The following TRPM3 variants were observed in gnomAD, a reference collection of about 807,000 sequenced individuals.
The protein encoded by TRPM3 is long transient receptor potential channel 3.
A neutral mutation model predicts 181.2 loss-of-function variants in TRPM3; 77 were observed. The observed-to-expected ratio is 0.42, with a 90% confidence interval of 0.35 to 0.51. The LOEUF is 0.51. Ranked by LOEUF, TRPM3 falls within the 20% of genes least tolerant of loss-of-function variation. The pLI is 0.01. For synonymous variants in TRPM3, 745 were observed against 796.4 expected, an observed-to-expected ratio of 0.94 and a Z score of 1.09; for missense variants, 1,759 against 2,196.7, an observed-to-expected ratio of 0.80 and a Z score of 3.98.
intron 6 of TRPM3, among the ~76,000 whole-genome samples, chr9:70,804,576 G>A (rs2090177086): frequency 6.6e-6 from 1 of 152,062 alleles, no homozygotes; most frequent in Admixed American, 6.6e-5. Flanking sequence ...CTCTCTCCCA[G>A]TTTCTCTGTT....
At chr9:70,546,614 ATT>A (rs1423773876) in intron 25 of TRPM3, among the ~76,000 whole-genome samples, 2 of 150,914 alleles carry the variant, frequency 1.3e-5, no homozygotes, top group African/African-American at 4.9e-5. Context: ...TGAGCACAAC[ATT>A]TGATAGAACA....
chr9:71,007,486 CA>C (rs1461390777), intron 1 of TRPM3, among the ~76,000 whole-genome samples: 1 of 151,738 alleles, frequency 6.6e-6, no homozygotes, highest in Non-Finnish European at 1.5e-5. Flanking sequence ...TAAGTCTTAA[CA>C]AACTTAAAAA....
chr9:71,346,982 A>G (rs1414117345), intron 1 of TRPM3, among the ~76,000 whole-genome samples: 1 of 152,232 alleles, frequency 6.6e-6, no homozygotes, highest in Non-Finnish European at 1.5e-5. Flanking sequence ...AGAAACTGAC[A>G]TTTCTGATAC....
intron 1 of TRPM3, among the ~76,000 whole-genome samples, chr9:70,976,313 A>C (rs775453235): frequency 1.3e-5 from 2 of 152,180 alleles, no homozygotes; most frequent in Non-Finnish European, 2.9e-5. Flanking sequence ...GGGAAACTCA[A>C]CTTCTCCTAC....
chr9:71,168,567 TATTTA>T (rs2076663769), intron 1 of TRPM3, among the ~76,000 whole-genome samples: 2 of 110,202 alleles, frequency 1.8e-5, no homozygotes, highest in Non-Finnish European at 3.7e-5. Context: ...TTTATTTATT[TATTTA>T]TTTTTGTTTT....
chr9:70,694,805 C>T lies in TRPM3; in HGVS notation c.1273-13227G>A, dbSNP rs984366041. 5.9e-5 allele frequency among the ~76,000 whole-genome samples: 9 copies of T among 152,322 alleles called. No homozygotes were observed. The South Asian group carries it at 6.2e-4, about 11-fold the overall frequency. ...CTGTTTTAGGGAATCTGTTCATTAG[C>T]TTAGGGCAAATTACCATTTTAAAAA... On this transcript the variant is annotated intron_variant, in intron 8 of 25. Transcript: ENST00000677713.
chr9:70,543,170 A>G (rs1385601476), intron 25 of TRPM3, among the ~76,000 whole-genome samples: 6 of 152,200 alleles, frequency 3.9e-5, no homozygotes, highest in Admixed American at 3.9e-4. Flanking sequence ...GAAAAATTAT[A>G]AGTTGAACAT....
At chr9:71,366,339 C>G (rs1012771401) in intron 1 of TRPM3, among the ~76,000 whole-genome samples, 1 of 151,986 alleles carries the variant, frequency 6.6e-6, no homozygotes, top group Non-Finnish European at 1.5e-5. Flanking sequence ...GGTGGGGGTA[C>G]CTGGGAGTGG....
Position 70,932,674 on chromosome 9 carries a change from T to C in TRPM3, c.178-68163A>G, listed in dbSNP as rs140575007. Among the ~76,000 whole-genome samples the C allele has an allele frequency of 2.5e-3, 383 of 152,294 alleles. 1 individual carries two copies. Among genetic ancestry groups the C allele is most frequent in the African/African-American group, 8.9e-3 (371 of 41,566 alleles). ...AGAAACAGCATGTGCACAGATACTG[T>C]AGCAGGTGGAAGCAAGATCTTGAAG... On this transcript the variant is annotated intron_variant, in intron 1 of 25. Transcript: ENST00000677713.
At chr9:70,674,569 T>C (rs2063611250) in intron 9 of TRPM3, among the ~76,000 whole-genome samples, 1 of 151,988 alleles carries the variant, frequency 6.6e-6, no homozygotes, top group South Asian at 2.1e-4. Context: ...TATAATTTTT[T>C]TTTTGAGAGA....
At chr9:70,699,510 A>T (rs951703831) in intron 8 of TRPM3, among the ~76,000 whole-genome samples, 7 of 152,220 alleles carry the variant, frequency 4.6e-5, no homozygotes, top group African/African-American at 1.7e-4. Context: ...GTCTGGGACA[A>T]GCTACGGATG....
At chr9:70,587,809 C>A (rs2057392551) in intron 22 of TRPM3, among the ~76,000 whole-genome samples, 1 of 152,152 alleles carries the variant, frequency 6.6e-6, no homozygotes, top group Non-Finnish European at 1.5e-5. Flanking sequence ...ATAGCAAACA[C>A]GTGAAGACAA....
At chr9:70,853,712 C>T (rs969717465) in intron 3 of TRPM3, among the ~76,000 whole-genome samples, 11 of 152,176 alleles carry the variant, frequency 7.2e-5, no homozygotes, top group Non-Finnish European at 1.6e-4. Flanking sequence ...TATCTAGAAT[C>T]ATGCAAGTAG....
intron 1 of TRPM3, among the ~76,000 whole-genome samples, chr9:71,323,224 G>T (rs775009004): frequency 1.6e-4 from 25 of 151,988 alleles, no homozygotes; most frequent in Non-Finnish European, 2.9e-5. Flanking sequence ...AGCACAGTTG[G>T]GGCAAAAGTC....
intron 3 of TRPM3, among the ~76,000 whole-genome samples, chr9:70,859,082 G>A (rs949587461): frequency 6.6e-6 from 1 of 152,202 alleles, no homozygotes; most frequent in Admixed American, 6.5e-5. Context: ...CCAGTGTAAA[G>A]GTGGCAATCC....
At chr9:70,873,983 T>G (rs1222379372) in intron 1 of TRPM3, among the ~76,000 whole-genome samples, 1 of 151,990 alleles carries the variant, frequency 6.6e-6, no homozygotes, top group Non-Finnish European at 1.5e-5. Flanking sequence ...TTATTTGTAC[T>G]AAAATTTACT....
intron 9 of TRPM3, among the ~76,000 whole-genome samples, chr9:70,670,569 T>G (rs1563926307): frequency 2.0e-5 from 3 of 152,226 alleles, no homozygotes; most frequent in Non-Finnish European, 4.4e-5. Context: ...CTTTCAGTGG[T>G]CTGTTCTGGA....
In TRPM3 at chr9:71,330,565, T is replaced by A. The variant is rs1033320454; in HGVS notation, c.183+116088A>T. On this transcript the variant is annotated intron_variant, in intron 1 of 24. Coordinates refer to the TRPM3 transcript ENST00000357533. ...ATTTTTCTAATAATAAGAAATCAAATTCTTAGTATGCTATAGCAGAAAAAG... is the reference window on the plus strand; with the variant it reads ...ATTTTTCTAATAATAAGAAATCAAAATCTTAGTATGCTATAGCAGAAAAAG... Among the ~76,000 whole-genome samples, 4 of 151,876 alleles carry A rather than the reference T, an allele frequency of 2.6e-5. 1 individual carries two copies. The highest frequency in any genetic ancestry group is 9.7e-5 in the African/African-American group (4 of 41,302).
intron 1 of TRPM3, among the ~76,000 whole-genome samples, chr9:71,009,368 T>C (rs2430872): frequency 0.28 from 42,231 of 152,050 alleles, 6,087 homozygotes; most frequent in Non-Finnish European, 0.29. Context: ...AAAAAACTGG[T>C]ATAACTCATA....
Sources: gnomAD v4.1 joint callset for allele counts (sites outside exome capture counted in the v4.1 genomes callset) on GRCh38, gnomAD v4.1.1 for gene constraint, MANE v1.5 for transcripts, NCBI Gene and HGNC (gene_info 2026-07-23, HGNC 2026-07-21) for gene names.